NUMA1: variants seen among roughly 807,000 people sequenced by gnomAD.
NUMA1 encodes the protein nuclear mitotic apparatus protein 1.
A neutral mutation model predicts 237.1 loss-of-function variants in NUMA1; 62 were observed. The observed-to-expected ratio is 0.26, with a 90% CI of 0.21 to 0.32. The LOEUF (loss-of-function observed/expected upper bound fraction) is 0.32, where lower values mean the gene tolerates loss of function less well. NUMA1 is among the 10% of genes least tolerant of loss of function. NUMA1 has a pLI of 1.00. For synonymous variants in NUMA1, 1,028 were observed against 1,066.1 expected, an observed-to-expected ratio of 0.96 and a Z score of 0.70; for missense variants, 2,533 against 2,666.5, an observed-to-expected ratio of 0.95 and a Z score of 1.10.
chr11:72,030,429 A>G (rs986803801), intron 3 of NUMA1, among the ~76,000 whole-genome samples: 2 of 152,198 alleles, frequency 1.3e-5, no homozygotes, highest in Non-Finnish European at 2.9e-5. Flanking sequence ...AAACTTCTTA[A>G]TTCTAATTTA....
In NUMA1 at chr11:72,013,867, C is replaced by A; in HGVS notation, c.3636G>T (p.Gln1212His). 6.2e-7 allele frequency: 1 copy of A among 1,613,780 alleles called. No homozygotes were observed. Among genetic ancestry groups the A allele is most frequent in the Non-Finnish European group, 8.5e-7 (1 of 1,180,038 alleles). ...HSKAEDEWKAQVARGRQEAER... is the reference protein window; with the variant it reads ...HSKAEDEWKAHVARGRQEAER... Reference sequence around the variant, plus strand: ...CAGCCTCTTGCCGGCCCCGGGCCACCTGGGCCTTCCACTCATCTTCAGCCT... The same window carrying A: ...CAGCCTCTTGCCGGCCCCGGGCCACATGGGCCTTCCACTCATCTTCAGCCT... The change falls in exon 15 of 27, where the codon CAG (glutamine) becomes CAT (histidine). Residue 1212 changes from glutamine to histidine, a missense_variant. This residue lies in a region of NUMA1 where 1,414 missense variants were observed against 1,508.1 expected (regional missense o/e 0.94). Coordinates refer to ENST00000393695, the MANE Select transcript of NUMA1 (RefSeq NM_006185.4). The surrounding 1 kb of genome is among the most constrained non-coding windows in gnomAD (Gnocchi z 6.8).
rs899127474 is a variant in NUMA1 at position 72,016,027 on chromosome 11, A to G, written c.1476T>C (p.His492=). The change falls in exon 15 of 27, where the codon CAT becomes CAC. Residue 492 remains histidine, a synonymous_variant. Coordinates refer to ENST00000393695, the MANE Select transcript of NUMA1 (RefSeq NM_006185.4). ...KEELEQASQA[H]GARLTAQVAS... Reference sequence around the variant, plus strand: ...CCACCTGGGCAGTCAACCGGGCCCCATGAGCCTGGGAGGCCTGCTCCAGCT... The same window carrying G: ...CCACCTGGGCAGTCAACCGGGCCCCGTGAGCCTGGGAGGCCTGCTCCAGCT... 1.9e-6 allele frequency: 3 copies of G among 1,613,934 alleles called. No homozygotes were observed. The African/African-American group carries it at 4.0e-5, about 22-fold the overall frequency.
intron 4 of NUMA1, 77 bp downstream of exon 4, chr11:72,029,128 A>G (rs1939958865): frequency 1.9e-6 from 2 of 1,036,038 alleles, no homozygotes; most frequent in Non-Finnish European, 2.9e-6. Context: ...ATCATCAAGT[A>G]AAGAGAACAA....
intron 3 of NUMA1, among the ~76,000 whole-genome samples, chr11:72,035,697 T>C (rs1310229834): frequency 6.6e-6 from 1 of 151,826 alleles, no homozygotes; most frequent in Non-Finnish European, 1.5e-5. Context: ...AGGCATAAGC[T>C]CCGCACCCGG....
At position 72,004,720 on chromosome 11, in the gene NUMA1, C is replaced by G. The variant is rs1955561503; in HGVS notation, c.5926G>C (p.Ala1976Pro). ...RRASMQPIQIAEGTGITTRQQ... is the reference protein window; with the variant it reads ...RRASMQPIQIPEGTGITTRQQ... ...CGGGTGGTGATGCCAGTGCCCTCGG[C>G]TATCTGGATTGGCTGCATGCTGGCT... The change falls in exon 24 of 27, where the codon GCC (alanine) becomes CCC (proline). Residue 1976 changes from alanine to proline, a missense_variant. Around this residue, in one of 3 missense-constraint regions of NUMA1, gnomAD observed 795 missense variants for 750.8 expected, o/e 1.06. Coordinates refer to ENST00000393695, the MANE Select transcript of NUMA1 (RefSeq NM_006185.4). 2.5e-6 allele frequency: 4 copies of G among 1,613,658 alleles called. No individual in the cohort carries two copies. Among genetic ancestry groups the G allele is most frequent in the African/African-American group, 2.7e-5 (2 of 74,896 alleles).
Position 72,012,998 on chromosome 11 carries a change from G to A in NUMA1, c.4505C>T (p.Ala1502Val), listed in dbSNP as rs764176385. The A allele has an allele frequency of 6.2e-7, 1 of 1,614,076 alleles. No individual in the cohort carries two copies. The highest frequency in any genetic ancestry group is 8.5e-7 in the Non-Finnish European group (1 of 1,180,022). Reference sequence around the variant, plus strand: ...GGCAGTCATCACCTCCAGCTCCCGGGCAGTGCTCTGTGCTTCTCGCTGCAC... The same window carrying A: ...GGCAGTCATCACCTCCAGCTCCCGGACAGTGCTCTGTGCTTCTCGCTGCAC... ...AEVQREAQST[A>V]RELEVMTAKY... Residue 1502 changes from alanine (A) to valine (V), a missense_variant, in exon 15 of 27, where the codon GCC (alanine) becomes GTC (valine). By Grantham distance (64) the Ala-to-Val change is moderately conservative. This residue lies in a region of NUMA1 where 324 missense variants were observed against 407.6 expected (regional missense o/e 0.79). Coordinates refer to ENST00000393695, the MANE Select transcript of NUMA1 (RefSeq NM_006185.4).
chr11:72,062,056 G>A (rs1942972715), intron 2 of NUMA1, among the ~76,000 whole-genome samples: 1 of 152,040 alleles, frequency 6.6e-6, no homozygotes, highest in Non-Finnish European at 1.5e-5. Context: ...GACCATTGTG[G>A]GAAAGGAAGG....
At chr11:72,005,634 T>G in intron 22 of NUMA1, 1 of 519,488 alleles carries the variant, frequency 1.9e-6, no homozygotes. Flanking sequence ...CAAGGCTTGG[T>G]GGCCAACACC....
intron 2 of NUMA1, among the ~76,000 whole-genome samples, chr11:72,044,834 ATTT>A: frequency 6.6e-6 from 1 of 151,690 alleles, no homozygotes; most frequent in Non-Finnish European, 1.5e-5. Context: ...TGCCCAGCTG[ATTT>A]TTTTATTTTT....
intron 6 of NUMA1, among the ~76,000 whole-genome samples, chr11:72,022,719 A>G (rs1403353933): frequency 6.6e-6 from 1 of 152,116 alleles, no homozygotes; most frequent in African/African-American, 2.4e-5. Context: ...CAGCACCCAG[A>G]AAGAGCAGAG....
chr11:72,013,746 G>A lies in NUMA1; in HGVS notation c.3757C>T (p.Arg1253Trp), dbSNP rs553488710. 26 of 1,609,960 alleles carry A rather than the reference G, an allele frequency of 1.6e-5. No individual in the cohort carries two copies. The highest frequency in any genetic ancestry group is 3.3e-5 in the South Asian group (3 of 91,080). The change falls in exon 15 of 27, where the codon CGG (arginine) becomes TGG (tryptophan). Residue 1253 changes from arginine to tryptophan, a missense_variant. Physicochemically the swap from Arg to Trp is moderately radical, Grantham distance 101. Coordinates refer to ENST00000393695, the MANE Select transcript of NUMA1 (RefSeq NM_006185.4). The surrounding 1 kb of genome is among the most constrained non-coding windows in gnomAD (Gnocchi z 6.8). The stretch of plus-strand genomic sequence containing the variant: ...TTCTCTGACTCGGCCATCACCAGCC[G>A]CTTCAACTCCTTGCTCTCCCCCTCC... The part of the protein sequence containing the change: ...EKEGESKELK[R>W]LVMAESEKSQ...
chr11:72,019,727 A>C (rs1234405575), intron 8 of NUMA1, 110 bp from the exon 9 acceptor site: 1 of 1,198,048 alleles, frequency 8.3e-7, no homozygotes, highest in South Asian at 1.4e-5. Context: ...ATATCCATGG[A>C]TACTTATATG....
At chr11:72,054,199 C>T (rs1395312926) in intron 2 of NUMA1, among the ~76,000 whole-genome samples, 5 of 152,168 alleles carry the variant, frequency 3.3e-5, no homozygotes, top group Non-Finnish European at 5.9e-5. Flanking sequence ...GGCACGGTGG[C>T]TCACGTTTGT....
intron 2 of NUMA1, among the ~76,000 whole-genome samples, chr11:72,039,249 G>C (rs1281137215): frequency 6.6e-6 from 1 of 152,216 alleles, no homozygotes; most frequent in Non-Finnish European, 1.5e-5. Flanking sequence ...AGGACCAGAG[G>C]GTCAAGTTGC....
intron 2 of NUMA1, among the ~76,000 whole-genome samples, chr11:72,052,352 T>TA (rs1330252880): frequency 6.6e-6 from 1 of 152,100 alleles, no homozygotes; most frequent in African/African-American, 2.4e-5. Context: ...GCAGGATAAG[T>TA]AGAGTTTCAC....
intron 16 of NUMA1, 145 bp from the exon 17 acceptor site, chr11:72,010,999 C>T (rs1260085454): frequency 1.9e-5 from 14 of 744,694 alleles, no homozygotes; most frequent in Admixed American, 8.5e-5. Context: ...CCTCCAATTA[C>T]GGAACAGCCT....
chr11:72,004,157 C>CTG, intron 25 of NUMA1, 58 bp from the exon 26 acceptor site: 1 of 1,599,852 alleles, frequency 6.3e-7, no homozygotes, highest in African/African-American at 1.3e-5. Flanking sequence ...GGCCAGCGTG[C>CTG]TGTGCCACGC....
In NUMA1 at chr11:72,016,115, T is replaced by G. The variant is rs780341995; in HGVS notation, c.1388A>C (p.Gln463Pro). ...CAGGTCAGTGATCAGGCTAGACAGC[T>G]GCTGCTTTTCTTCTTCGAAGTGGCC... ...ERGHFEEEKQ[Q>P]LSSLITDLQS... The change falls in exon 15 of 27, where the codon CAG (glutamine) becomes CCG (proline). Residue 463 changes from glutamine to proline, a missense_variant. By Grantham distance (76) the Gln-to-Pro change is moderately conservative (BLOSUM62 -1). Transcript: ENST00000393695. 6.2e-7 allele frequency: 1 copy of G among 1,614,188 alleles called. No individual in the cohort carries two copies. The highest frequency in any genetic ancestry group is 2.2e-5 in the East Asian group (1 of 44,884).
chr11:72,067,685 AC>A (rs1943261359), intron 2 of NUMA1: 1 of 152,174 alleles, frequency 6.6e-6, no homozygotes, highest in African/African-American at 2.4e-5. Flanking sequence ...ACATTTCCCT[AC>A]CTCAAACCTT....
Sources: gnomAD v4.1 joint callset for allele counts (sites outside exome capture counted in the v4.1 genomes callset) on GRCh38, gnomAD v4.1.1 for gene constraint, gnomAD v4.1.1 regional missense constraint, Gnocchi (gnomAD v3.1) non-coding constraint, MANE v1.5 for transcripts, NCBI Gene and HGNC (gene_info 2026-07-23, HGNC 2026-07-21) for gene names.